FREM2: variants seen among roughly 807,000 people sequenced by gnomAD.
FREM2 encodes the protein FRAS1 related extracellular matrix 2.
A neutral mutation model predicts 219.9 loss-of-function variants in FREM2; 119 were observed. The observed-to-expected ratio is 0.54, with a 90% CI of 0.47 to 0.63. The LOEUF (loss-of-function observed/expected upper bound fraction) is 0.63. FREM2 is among the 30% of genes least tolerant of loss of function. The pLI is 0.00. For synonymous variants in FREM2, 1,562 were observed against 1,522.8 expected (o/e 1.03, Z -0.60); for missense variants, 4,030 against 3,993.6 (o/e 1.01, Z -0.25).
intron 6 of FREM2, among the ~76,000 whole-genome samples, chr13:38,793,922 A>G (rs1184605392): frequency 1.3e-5 from 2 of 152,210 alleles, no homozygotes; most frequent in African/African-American, 2.4e-5. Context: ...GATGGGGAGA[A>G]TAAAGGTAGA....
At chr13:38,836,405 C>CG in intron 6 of FREM2, among the ~76,000 whole-genome samples, 1 of 152,138 alleles carries the variant, frequency 6.6e-6, no homozygotes, top group Non-Finnish European at 1.5e-5. Flanking sequence ...CTGAAATTTT[C>CG]TTTTTTTGTT....
intron 2 of FREM2, among the ~76,000 whole-genome samples, chr13:38,731,611 T>C (rs958903842): frequency 2.6e-5 from 4 of 152,234 alleles, no homozygotes; most frequent in African/African-American, 9.6e-5. Context: ...CTACGGATTA[T>C]GGATTTTCAC....
In FREM2 at chr13:38,880,470, A is replaced by G. The variant is rs371808266; in HGVS notation, c.9193A>G (p.Ile3065Val). 11 of 1,613,892 alleles carry G rather than the reference A, an allele frequency of 6.8e-6. No homozygotes were observed. Among genetic ancestry groups the G allele is most frequent in the Non-Finnish European group, 9.3e-6 (11 of 1,180,006 alleles). Residue 3065 changes from isoleucine (I) to valine (V), a missense_variant, in exon 24 of 24, where the codon ATT (isoleucine) becomes GTT (valine). This residue lies in a region of FREM2 where 928 missense variants were observed against 1,042.9 expected (regional missense o/e 0.89). Transcript: ENST00000280481. The stretch of plus-strand genomic sequence containing the variant: ...GAGCACACCCTCACTGGCATGGGAG[A>G]TTGGTGCTGAAAACAGTCGAGGAAC... ...IRSTPSLAWE[I>V]GAENSRGTNI...
In FREM2 at chr13:38,817,930, T is replaced by A. The variant is rs1430333535; in HGVS notation, c.6020-28643T>A. On this transcript the variant is annotated intron_variant, in intron 6 of 23. Transcript: ENST00000280481. ...ATAAGACATACAAATGACAAACAGG[T>A]ATATAAAAAATGTTCAACATTGCTA... is the stretch of plus-strand genomic sequence containing the variant. Among the ~76,000 whole-genome samples, 3 of 151,634 alleles carry A rather than the reference T, an allele frequency of 2.0e-5. No homozygotes were observed. In the East Asian group the frequency reaches 5.8e-4, roughly 29 times the overall value.
chr13:38,844,089 A>G (rs1371766183), intron 6 of FREM2, among the ~76,000 whole-genome samples: 1 of 152,156 alleles, frequency 6.6e-6, no homozygotes, highest in Non-Finnish European at 1.5e-5. Flanking sequence ...TAACTTTTCT[A>G]ACTCCTCTTA....
chr13:38,872,655 A>C (rs1566174183), intron 16 of FREM2, 87 bp from the exon 17 acceptor site: 9 of 1,080,120 alleles, frequency 8.3e-6, no homozygotes, highest in Non-Finnish European at 1.3e-5. Flanking sequence ...ATCTTCAGTT[A>C]AGCGAAAAGA....
At position 38,687,685 on chromosome 13, in the gene FREM2, C is replaced by T. The variant is rs1374895747; in HGVS notation, c.341C>T (p.Ala114Val). The change falls in exon 1 of 24, where the codon GCA (alanine) becomes GTA (valine). Residue 114 changes from alanine (A) to valine (V), a missense_variant. This residue lies in a region of FREM2 where 3,102 missense variants were observed against 2,950.7 expected (regional missense o/e 1.05). Coordinates refer to ENST00000280481, the MANE Select transcript of FREM2 (RefSeq NM_207361.6). ...RCAVSVLDND[A>V]LAQRPGRLSP... ...GCGGTTTCGGTACTAGACAACGACG[C>T]ACTGGCCCAGCGACCGGGCCGCCTG... 8.2e-6 allele frequency: 13 copies of T among 1,583,896 alleles called. No homozygotes were observed. Among genetic ancestry groups the T allele is most frequent in the Non-Finnish European group, 1.1e-5 (13 of 1,163,130 alleles).
intron 2 of FREM2, among the ~76,000 whole-genome samples, chr13:38,714,579 A>G (rs1444918567): frequency 6.6e-6 from 1 of 152,180 alleles, no homozygotes; most frequent in Non-Finnish European, 1.5e-5. Flanking sequence ...AAGATTACTA[A>G]GAGAGTGTAT....
chr13:38,874,895 G>T (rs893457405), intron 18 of FREM2, among the ~76,000 whole-genome samples: 1 of 152,132 alleles, frequency 6.6e-6, no homozygotes, highest in Admixed American at 6.5e-5. Flanking sequence ...TTCTTTCTCT[G>T]CTTTGCTTCC....
intron 2 of FREM2, among the ~76,000 whole-genome samples, chr13:38,711,865 G>A (rs1001390579): frequency 2.0e-5 from 3 of 146,560 alleles, no homozygotes; most frequent in Admixed American, 2.0e-4. Flanking sequence ...ACCACAAACA[G>A]TTTTAAATGC....
intron 4 of FREM2, among the ~76,000 whole-genome samples, chr13:38,782,572 G>C (rs1016276443): frequency 2.0e-5 from 3 of 152,138 alleles, no homozygotes; most frequent in African/African-American, 7.2e-5. Context: ...ACTCACTTTG[G>C]ATGAAAAGAA....
intron 6 of FREM2, among the ~76,000 whole-genome samples, chr13:38,841,290 T>C (rs1264835429): frequency 6.6e-6 from 1 of 152,182 alleles, no homozygotes; most frequent in African/African-American, 2.4e-5. Context: ...TAGTTGCCTG[T>C]CAAGATTTTT....
chr13:38,785,231 A>G (rs1004379348), intron 6 of FREM2, among the ~76,000 whole-genome samples: 1 of 152,200 alleles, frequency 6.6e-6, no homozygotes, highest in Non-Finnish European at 1.5e-5. Flanking sequence ...AGGCTGTTAA[A>G]TGAATAACTA....
intron 3 of FREM2, 139 bp downstream of exon 3, chr13:38,764,589 C>A: frequency 1.7e-6 from 1 of 598,328 alleles, no homozygotes; most frequent in Non-Finnish European, 2.9e-6. Flanking sequence ...GCTAAAGAAA[C>A]AAGCAACAGG....
In FREM2 at chr13:38,805,229, G is replaced by A. The variant is rs566206090; in HGVS notation, c.6019+20421G>A. On this transcript the variant is annotated intron_variant, in intron 6 of 23. Coordinates refer to ENST00000280481, the MANE Select transcript of FREM2 (RefSeq NM_207361.6). ...GGTTATTAATGATATAGCAGTGTAC[G>A]TGAAAAGAAATGTAGGGTAAGGAGG... is the stretch of plus-strand genomic sequence containing the variant. Among the ~76,000 whole-genome samples, 17 of 150,804 alleles carry A rather than the reference G, an allele frequency of 1.1e-4. 1 individual carries two copies. In the East Asian group the frequency reaches 2.3e-3, roughly 21 times the overall value.
At chr13:38,816,240 G>A (rs1875758876) in intron 6 of FREM2, among the ~76,000 whole-genome samples, 1 of 152,026 alleles carries the variant, frequency 6.6e-6, no homozygotes, top group African/African-American at 2.4e-5. Flanking sequence ...TACGAGGCTG[G>A]AATTACCCTG....
chr13:38,863,113 G>A (rs181418348), intron 15 of FREM2, among the ~76,000 whole-genome samples: 71 of 152,122 alleles, frequency 4.7e-4, no homozygotes, highest in Admixed American at 1.2e-3. Context: ...GCAGTAGCGC[G>A]ATCTCAGCTC....
intron 6 of FREM2, among the ~76,000 whole-genome samples, chr13:38,787,816 A>G (rs552653418): frequency 8.9e-4 from 135 of 151,536 alleles, no homozygotes; most frequent in African/African-American, 3.2e-3. Context: ...CGAATATTGC[A>G]ATTATTTTCT....
intron 2 of FREM2, among the ~76,000 whole-genome samples, chr13:38,703,953 T>G (rs781387253): frequency 2.0e-4 from 30 of 152,194 alleles, no homozygotes; most frequent in Non-Finnish European, 4.3e-4. Context: ...CAAATATTTA[T>G]TTGTGGCATA....
Sources: gnomAD v4.1 joint callset for allele counts (sites outside exome capture counted in the v4.1 genomes callset) on GRCh38, gnomAD v4.1.1 for gene constraint, gnomAD v4.1.1 regional missense constraint, MANE v1.5 for transcripts, NCBI Gene and HGNC (gene_info 2026-07-23, HGNC 2026-07-21) for gene names.